The following B4GALT4 variants were observed in gnomAD, a reference collection of about 807,000 sequenced individuals.
The protein encoded by B4GALT4 is N-acetyllactosamine synthase.
A neutral mutation model predicts 37.3 loss-of-function variants in B4GALT4; 27 were observed. The ratio of observed to expected loss-of-function variants is 0.72; its 90% CI spans 0.53 to 1.00. The LOEUF (loss-of-function observed/expected upper bound fraction) is 1.00, where lower values mean the gene tolerates loss of function less well. Among genes scored for constraint, B4GALT4 ranks in the 50% least tolerant of loss-of-function variants. The pLI is 0.00. For synonymous variants in B4GALT4, 148 were observed against 154.1 expected (o/e 0.96, Z 0.29); for missense variants, 372 against 413.1 (o/e 0.90, Z 0.86).
At chr3:119,219,339 C>A (rs1332741230) in intron 5 of B4GALT4, among the ~76,000 whole-genome samples, 7 of 152,212 alleles carry the variant, frequency 4.6e-5, no homozygotes, top group Non-Finnish European at 8.8e-5. Context: ...CATGTCAACA[C>A]CCTCTGAAGT....
At chr3:119,239,485 A>G (rs1283101074) in intron 1 of B4GALT4, among the ~76,000 whole-genome samples, 3 of 152,220 alleles carry the variant, frequency 2.0e-5, no homozygotes, top group Non-Finnish European at 1.5e-5. Flanking sequence ...AGATCTTCAA[A>G]GAGAAGGTTA....
chr3:119,233,401 C>T lies in B4GALT4; in HGVS notation c.-145-3157G>A, dbSNP rs147442086. Among the ~76,000 whole-genome samples, 23 of 152,252 alleles carry T rather than the reference C, an allele frequency of 1.5e-4. No homozygotes were observed. In the East Asian group the frequency reaches 3.3e-3, roughly 22 times the overall value. On this transcript the variant is annotated intron_variant, in intron 2 of 7. Transcript: ENST00000393765. ...TTGAACAACATGGGTTTGAACTGCA[C>T]GGCTCCACTTATACTCAGATTGTTT...
At chr3:119,236,634 G>A (rs763268180) in intron 2 of B4GALT4, among the ~76,000 whole-genome samples, 1 of 152,050 alleles carries the variant, frequency 6.6e-6, no homozygotes, top group South Asian at 2.1e-4. Context: ...AACAAATGAC[G>A]GACTAGGATA....
chr3:119,226,334 G>A (rs553104607), intron 4 of B4GALT4, among the ~76,000 whole-genome samples: 2 of 152,286 alleles, frequency 1.3e-5, no homozygotes, highest in Admixed American at 6.5e-5. Context: ...AATAAATAGT[G>A]GCAAAGTTCA....
intron 4 of B4GALT4, 108 bp from the exon 5 acceptor site, chr3:119,224,353 C>T (rs1029318050): frequency 6.6e-5 from 45 of 683,736 alleles, no homozygotes; most frequent in Admixed American, 7.8e-5. Flanking sequence ...ATTCTACGCA[C>T]GAGACTACAC....
intron 3 of B4GALT4, among the ~76,000 whole-genome samples, chr3:119,228,661 C>G (rs1230599091): frequency 6.6e-6 from 1 of 152,154 alleles, no homozygotes; most frequent in Non-Finnish European, 1.5e-5. Flanking sequence ...GAATACAATA[C>G]AGGACTGTGA....
At chr3:119,224,008 A>G (rs761241605) in intron 5 of B4GALT4, 50 bp downstream of exon 5, 1 of 1,520,422 alleles carries the variant, frequency 6.6e-7, no homozygotes, top group South Asian at 1.3e-5. Flanking sequence ...AGTCTTGATC[A>G]CAATAGTTGA....
chr3:119,234,383 G>A (rs1163384217), intron 2 of B4GALT4, among the ~76,000 whole-genome samples: 1 of 152,132 alleles, frequency 6.6e-6, no homozygotes, highest in Non-Finnish European at 1.5e-5. Flanking sequence ...GCCTCCCAAA[G>A]TGCTGGGATT....
At chr3:119,216,463 CACACACACAGTGTCACAA>C in intron 6 of B4GALT4, 119 bp from the exon 7 acceptor site, 2 of 454,330 alleles carry the variant, frequency 4.4e-6, no homozygotes, top group Non-Finnish European at 3.8e-6. Flanking sequence ...CACACACACA[CACACACACAGTGTCACAA>C]ACAGCTTGAT....
At chr3:119,234,404 GCCA>G (rs1206686267) in intron 2 of B4GALT4, among the ~76,000 whole-genome samples, 1 of 152,210 alleles carries the variant, frequency 6.6e-6, no homozygotes, top group Non-Finnish European at 1.5e-5. Context: ...ACAGGCGTGA[GCCA>G]CCATGCCTGG....
intron 5 of B4GALT4, among the ~76,000 whole-genome samples, chr3:119,223,255 C>T (rs1204839674): frequency 6.6e-6 from 1 of 152,254 alleles, no homozygotes; most frequent in African/African-American, 2.4e-5. Context: ...GGCAGGTGCT[C>T]TGCCTTATTC....
intron 2 of B4GALT4, chr3:119,236,013 C>T (rs1291143685): frequency 6.6e-6 from 1 of 152,172 alleles, no homozygotes; most frequent in East Asian, 1.9e-4. Context: ...CTGTTGCAGA[C>T]AAGGTTCACC....
chr3:119,213,949 G>T (rs554714735), intron 7 of B4GALT4: 14 of 152,302 alleles, frequency 9.2e-5, no homozygotes, highest in African/African-American at 3.4e-4. Context: ...TTTAGGCCAG[G>T]CATGGTAGCT....
At chr3:119,212,898 T>C (rs1243107839) in intron 7 of B4GALT4, 1 of 489,838 alleles carries the variant, frequency 2.0e-6, no homozygotes, top group Non-Finnish European at 3.6e-6. Context: ...GGACCCATGA[T>C]GAAAAGTGTC....
intron 4 of B4GALT4, 191 bp downstream of exon 4, chr3:119,226,618 C>A: frequency 1.7e-6 from 1 of 602,838 alleles, no homozygotes; most frequent in South Asian, 2.1e-5. Context: ...TTTCCCAGAA[C>A]TTGAACCCAT....
At chr3:119,217,342 T>G (rs947079379) in intron 6 of B4GALT4, among the ~76,000 whole-genome samples, 1 of 152,220 alleles carries the variant, frequency 6.6e-6, no homozygotes, top group African/African-American at 2.4e-5. Flanking sequence ...TGGGCTGGGC[T>G]GTGAAGAGCT....
chr3:119,219,592 C>T (rs775059047), intron 5 of B4GALT4, among the ~76,000 whole-genome samples: 18 of 152,054 alleles, frequency 1.2e-4, no homozygotes, highest in Non-Finnish European at 2.6e-4. Flanking sequence ...AGGCATAGGT[C>T]GAGAAATCTC....
At position 119,211,812 on chromosome 3, in the gene B4GALT4, ACTG is replaced by A. The variant is rs1169432422; in HGVS notation, c.*734_*736del. 1 of 251,112 alleles carries A rather than the reference ACTG, an allele frequency of 4.0e-6. No homozygotes were observed. Among genetic ancestry groups the A allele is most frequent in the Non-Finnish European group, 7.6e-6 (1 of 131,360 alleles). The allele number at this position is 251,112 out of a possible 1,614,324, so 15.6% of individuals were successfully genotyped here. A position where few individuals can be genotyped will look rare whatever the true frequency, so the allele number is the denominator to read the frequency against. On this transcript the variant is annotated 3_prime_UTR_variant, in exon 8 of 8. Coordinates refer to ENST00000393765, the MANE Select transcript of B4GALT4 (RefSeq NM_003778.4). ...TATTAGTTAATATGTAAACTTGTAA[ACTG>A]CTAATTCATATCCTACTTGTACAAA...
At chr3:119,235,746 T>A (rs1559936666) in intron 2 of B4GALT4, among the ~76,000 whole-genome samples, 1 of 152,200 alleles carries the variant, frequency 6.6e-6, no homozygotes, top group Non-Finnish European at 1.5e-5. Context: ...GACAGCCATT[T>A]ACATGTACAA....
Sources: gnomAD v4.1 joint callset for allele counts (sites outside exome capture counted in the v4.1 genomes callset) on GRCh38, gnomAD v4.1.1 for gene constraint, MANE v1.5 for transcripts, NCBI Gene and HGNC (gene_info 2026-07-23, HGNC 2026-07-21) for gene names.